GREM2: variants seen among roughly 807,000 people sequenced by gnomAD.
GREM2 encodes gremlin-2.
In GREM2, 11 loss-of-function variants were observed where a neutral mutation model predicts 14.2. The ratio of observed to expected loss-of-function variants is 0.78; its 90% CI spans 0.49 to 1.28. The LOEUF is 1.28. Among genes scored for constraint, GREM2 ranks in the 50% most tolerant of loss-of-function variants. The pLI, the probability that GREM2 is intolerant of heterozygous loss-of-function variation, is 0.00. For synonymous variants in GREM2, 98 were observed against 97.6 expected, an observed-to-expected ratio of 1.00 and a Z score of -0.02; for missense variants, 210 against 218.5, an observed-to-expected ratio of 0.96 and a Z score of 0.24.
intron 1 of GREM2, among the ~76,000 whole-genome samples, chr1:240,587,962 C>G (rs539362860): frequency 6.6e-6 from 1 of 152,248 alleles, no homozygotes; most frequent in South Asian, 2.1e-4. Flanking sequence ...CTGTCAAGGG[C>G]CAGCACCTTG....
At chr1:240,560,268 T>A (rs1427516055) in intron 1 of GREM2, among the ~76,000 whole-genome samples, 1 of 152,202 alleles carries the variant, frequency 6.6e-6, no homozygotes, top group Non-Finnish European at 1.5e-5. Flanking sequence ...TGACAACCAG[T>A]GCAGTTGGGT....
At chr1:240,524,315 A>G (rs948174539) in intron 1 of GREM2, among the ~76,000 whole-genome samples, 1 of 152,246 alleles carries the variant, frequency 6.6e-6, no homozygotes, top group African/African-American at 2.4e-5. Flanking sequence ...ACCCAGCTCA[A>G]TGGATTTTTT....
At chr1:240,533,435 G>C (rs1235474437) in intron 1 of GREM2, among the ~76,000 whole-genome samples, 1 of 152,202 alleles carries the variant, frequency 6.6e-6, no homozygotes, top group African/African-American at 2.4e-5. Flanking sequence ...CTCTACAGTT[G>C]AGAAGCCCTT....
intron 1 of GREM2, among the ~76,000 whole-genome samples, chr1:240,498,757 C>T (rs954673619): frequency 4.6e-5 from 7 of 152,206 alleles, no homozygotes; most frequent in Admixed American, 2.6e-4. Context: ...CCACCCCTGC[C>T]GGTAACGACA....
At chr1:240,497,511 C>A (rs1166090524) in intron 1 of GREM2, among the ~76,000 whole-genome samples, 1 of 151,438 alleles carries the variant, frequency 6.6e-6, no homozygotes, top group Non-Finnish European at 1.5e-5. Context: ...TAGGAAGTCA[C>A]AAGTAAGTGG....
intron 1 of GREM2, among the ~76,000 whole-genome samples, chr1:240,507,664 T>C (rs1320442785): frequency 6.6e-6 from 1 of 151,702 alleles, no homozygotes; most frequent in Non-Finnish European, 1.5e-5. Context: ...AGTAAGGAAA[T>C]CTACAAAGGA....
intron 1 of GREM2, among the ~76,000 whole-genome samples, chr1:240,582,904 A>G (rs1175999673): frequency 6.6e-6 from 1 of 152,082 alleles, no homozygotes; most frequent in Non-Finnish European, 1.5e-5. Context: ...CAAACAAAGT[A>G]TAGGAAAATT....
chr1:240,498,079 CAG>C (rs1558137374), intron 1 of GREM2, among the ~76,000 whole-genome samples: 1 of 152,110 alleles, frequency 6.6e-6, no homozygotes, highest in Non-Finnish European at 1.5e-5. Context: ...TAGATCTTAT[CAG>C]AGAGAACAGA....
At chr1:240,559,111 T>C (rs1678997091) in intron 1 of GREM2, among the ~76,000 whole-genome samples, 1 of 152,118 alleles carries the variant, frequency 6.6e-6, no homozygotes, top group African/African-American at 2.4e-5. Context: ...TTTTTAAGGG[T>C]TAGTTAAAAT....
chr1:240,595,803 G>C (rs1056514671), intron 1 of GREM2, among the ~76,000 whole-genome samples: 5 of 152,114 alleles, frequency 3.3e-5, no homozygotes, highest in Admixed American at 3.3e-4. Flanking sequence ...AAATGAGACT[G>C]TGTTTATAAA....
At chr1:240,520,291 T>C (rs898748046) in intron 1 of GREM2, among the ~76,000 whole-genome samples, 25 of 152,186 alleles carry the variant, frequency 1.6e-4, no homozygotes, top group African/African-American at 6.0e-4. Flanking sequence ...TGGGATGAGC[T>C]CTGGTGGTCA....
intron 1 of GREM2, among the ~76,000 whole-genome samples, chr1:240,603,778 T>A (rs1679973014): frequency 1.3e-5 from 2 of 152,008 alleles, no homozygotes; most frequent in African/African-American, 4.8e-5. Flanking sequence ...CACACATATA[T>A]GTTATTGTGT....
chr1:240,515,833 C>T (rs528795770), intron 1 of GREM2, among the ~76,000 whole-genome samples: 63 of 152,202 alleles, frequency 4.1e-4, no homozygotes, highest in African/African-American at 1.4e-3. Context: ...TGCATTGGTC[C>T]TGGAAGTATT....
intron 1 of GREM2, among the ~76,000 whole-genome samples, chr1:240,583,161 GA>G (rs754321638): frequency 1.3e-5 from 2 of 152,010 alleles, no homozygotes; most frequent in Non-Finnish European, 2.9e-5. Context: ...ATCATCATCT[GA>G]AAGTACAGTT....
In GREM2 at chr1:240,512,965, G is replaced by A. The variant is rs145759506; in HGVS notation, c.-1-19489C>T. Among the ~76,000 whole-genome samples, 1,120 of 152,238 alleles carry A rather than the reference G, an allele frequency of 7.4e-3. 14 individuals are homozygous for A. Among genetic ancestry groups the A allele is most frequent in the African/African-American group, 0.026 (1,062 of 41,536 alleles). On this transcript the variant is annotated intron_variant, in intron 1 of 1. Transcript: ENST00000318160. ...CTACTATGTGCCAGGTGCAGTGGTG[G>A]GTACTAGGAATACAGCAGATATGAT... is the stretch of plus-strand genomic sequence containing the variant.
At chr1:240,607,392 C>T (rs996228826) in intron 1 of GREM2, among the ~76,000 whole-genome samples, 2 of 151,994 alleles carry the variant, frequency 1.3e-5, no homozygotes, top group Non-Finnish European at 2.9e-5. Context: ...TACTATTAGA[C>T]CCTCTGACAG....
rs1246366049 is a variant in GREM2, at chr1:240,492,991, A to C, written c.485T>G (p.Leu162Arg). The C allele has an allele frequency of 6.4e-7, 1 of 1,551,322 alleles. No individual in the cohort carries two copies. Among genetic ancestry groups the C allele is most frequent in the East Asian group, 2.3e-5 (1 of 43,986 alleles). Residue 162 changes from leucine (L) to arginine (R), a missense_variant, in exon 2 of 2, where the codon CTG becomes CGG. By Grantham distance (102) the Leu-to-Arg change is moderately radical. Transcript: ENST00000318160. ...CGCTCACTGCTTGTCCGAGTCGCTC[A>C]GGTTCACGGACATGCACCGGCACTG... ...VKQCRCMSVNLSDSDKQ is the reference protein window; with the variant it reads ...VKQCRCMSVNRSDSDKQ
chr1:240,571,594 G>T (rs1442640027), intron 1 of GREM2, among the ~76,000 whole-genome samples: 1 of 151,920 alleles, frequency 6.6e-6, no homozygotes, highest in Non-Finnish European at 1.5e-5. Context: ...TACTCAGGAG[G>T]CTGAGGCAGG....
intron 1 of GREM2, among the ~76,000 whole-genome samples, chr1:240,579,887 T>TAA (rs1245496354): frequency 6.6e-6 from 1 of 152,194 alleles, no homozygotes; most frequent in Non-Finnish European, 1.5e-5. Context: ...GATACATAAG[T>TAA]AACTTTGCTT....
Sources: allele counts gnomAD v4.1 joint callset (sites outside exome capture counted in the v4.1 genomes callset), GRCh38; gene constraint gnomAD v4.1.1; transcripts MANE v1.5; gene names NCBI Gene and HGNC (gene_info 2026-07-23, HGNC 2026-07-21).